Variants in BORCS8 observed in about 807,000 individuals in gnomAD.
The protein encoded by BORCS8 is BLOC-1 related complex subunit 8.
In BORCS8, 13 loss-of-function variants were observed where a neutral mutation model predicts 18.7. The ratio of observed to expected loss-of-function variants is 0.70; its 90% CI spans 0.45 to 1.11. BORCS8 has a LOEUF of 1.11. Ranked by LOEUF, BORCS8 falls within the 50% of genes least tolerant of loss-of-function variation. The probability of loss-of-function intolerance (pLI) is 0.00; values close to 1 mark genes in which losing one functional copy is unlikely to be tolerated. For missense variants in BORCS8, 165 were observed against 165.7 expected, an observed-to-expected ratio of 1.00 and a Z score of 0.02; for synonymous variants, 68 against 64.8, an observed-to-expected ratio of 1.05 and a Z score of -0.24.
At position 19,186,934 on chromosome 19, in the gene BORCS8, C is replaced by T; in HGVS notation, c.109G>A (p.Glu37Lys). ...TCGGGGAGGGAGCGACGCACATGCT[C>T]CTGCAGCCGGTACAGGGCCACGGAT... ...EPSVALYRLQ[E>K]HVRRSLPELA... The change falls in exon 2 of 6, where the codon GAG becomes AAG. Residue 37 changes from glutamate to lysine, a missense_variant. Transcript: ENST00000462790. 2 of 1,551,266 alleles carry T rather than the reference C, an allele frequency of 1.3e-6. No individual in the cohort carries two copies. Among genetic ancestry groups the T allele is most frequent in the Non-Finnish European group, 1.7e-6 (2 of 1,146,924 alleles).
chr19:19,190,835 G>A lies in BORCS8; in HGVS notation c.37+1246C>T, dbSNP rs543000825. On this transcript the variant is annotated intron_variant, in intron 1 of 5. Transcript: ENST00000462790. Reference sequence around the variant, plus strand: ...AAGGTGAGCATAACAGACAAGGCACGGTGGCTCATGCCTCATACTCATGCC... The same window carrying A: ...AAGGTGAGCATAACAGACAAGGCACAGTGGCTCATGCCTCATACTCATGCC... 3.9e-5 allele frequency among the ~76,000 whole-genome samples: 6 copies of A among 152,118 alleles called. No individual in the cohort carries two copies. The South Asian group carries it at 1.0e-3, about 26-fold the overall frequency.
intron 5 of BORCS8, chr19:19,179,654 T>G (rs1227085195): frequency 6.5e-6 from 1 of 152,702 alleles, no homozygotes; most frequent in African/African-American, 2.4e-5. Context: ...AGGGCCCCTT[T>G]GACCTGCCTG....
In BORCS8 at chr19:19,182,939, A is replaced by G. The variant is rs759047148; in HGVS notation, c.216-256T>C. ...TCAGTGTATAAAGATGTCATAAAAA[A>G]TATCTCGGCCATTACTGCTGATAAT... On this transcript the variant is annotated intron_variant, in intron 3 of 5. Coordinates refer to ENST00000462790, the MANE Select transcript of BORCS8 (RefSeq NM_001145784.2). This position sits in a 1 kb window ranked among gnomAD's most constrained non-coding sequence, Gnocchi z 4.1. Among the ~76,000 whole-genome samples, 1 of 152,200 alleles carries G rather than the reference A, an allele frequency of 6.6e-6. No individual in the cohort carries two copies. Among genetic ancestry groups the G allele is most frequent in the Non-Finnish European group, 1.5e-5 (1 of 68,034 alleles).
intron 2 of BORCS8, among the ~76,000 whole-genome samples, chr19:19,186,524 G>C (rs1293054101): frequency 6.6e-6 from 1 of 152,106 alleles, no homozygotes; most frequent in East Asian, 1.9e-4. Context: ...GAGTTCTCAC[G>C]AGATCTTGTG....
In BORCS8 at chr19:19,192,140, G is replaced by T. The variant is rs1330521467; in HGVS notation, c.-23C>A. 1.3e-6 allele frequency: 2 copies of T among 1,550,944 alleles called. No individual in the cohort carries two copies. The highest frequency in any genetic ancestry group is 2.0e-5 in the Admixed American group (1 of 50,970). On this transcript the variant is annotated 5_prime_UTR_variant, in exon 1 of 6. Transcript: ENST00000462790. ...CATAGCGACCGCGGCCGAGCGAACC[G>T]GGAAACGGCACCGGAAGCCCGGAGG...
At chr19:19,187,772 C>T (rs534756085) in intron 1 of BORCS8, among the ~76,000 whole-genome samples, 17 of 151,908 alleles carry the variant, frequency 1.1e-4, no homozygotes, top group South Asian at 4.2e-4. Context: ...CTCCTGACCT[C>T]GTGATCCGCT....
At chr19:19,178,212 G>A (rs2060318906) in intron 5 of BORCS8, 1 of 152,350 alleles carries the variant, frequency 6.6e-6, no homozygotes. Context: ...GTCGATGGGG[G>A]GCCAGTGAGA....
At chr19:19,180,591 G>A (rs576070337) in intron 5 of BORCS8, 95 bp downstream of exon 5, 78 of 851,918 alleles carry the variant, frequency 9.2e-5, no homozygotes, top group Non-Finnish European at 1.4e-4. Context: ...GAAACCCCAA[G>A]TGGTTAGACA....
At chr19:19,189,989 T>C (rs2060449927) in intron 1 of BORCS8, among the ~76,000 whole-genome samples, 1 of 152,116 alleles carries the variant, frequency 6.6e-6, no homozygotes, top group African/African-American at 2.4e-5. Flanking sequence ...TCTAAACACT[T>C]GGTCACCTCA....
At position 19,185,888 on chromosome 19, in the gene BORCS8, G is replaced by T. The variant is rs993279046; in HGVS notation, c.215+146C>A. 17 of 769,884 alleles carry T rather than the reference G, an allele frequency of 2.2e-5. No homozygotes were observed. In the African/African-American group the frequency reaches 2.6e-4, roughly 12 times the overall value. 47.7% of individuals were successfully genotyped at this position (769,884 alleles called of 1,614,324 possible). The stretch of plus-strand genomic sequence containing the variant: ...GAGACCCACCTGGGGCCCTGGCCAA[G>T]TGAATCGTGGTACAGACCCCATACA... On this transcript the variant is annotated intron_variant, in intron 3 of 5. Coordinates refer to ENST00000462790, the MANE Select transcript of BORCS8 (RefSeq NM_001145784.2).
intron 4 of BORCS8, among the ~76,000 whole-genome samples, chr19:19,181,497 G>A (rs938269405): frequency 6.6e-6 from 1 of 152,168 alleles, no homozygotes; most frequent in African/African-American, 2.4e-5. Context: ...TCAGGAGTGT[G>A]TTGCGTTTTT....
At chr19:19,183,515 T>C (rs368945366) in intron 3 of BORCS8, among the ~76,000 whole-genome samples, 6 of 152,280 alleles carry the variant, frequency 3.9e-5, no homozygotes, top group African/African-American at 1.2e-4. Context: ...AAATGTTCTT[T>C]ATCCATTGAG....
At chr19:19,186,005 C>T (rs1296182539) in intron 3 of BORCS8, 29 bp downstream of exon 3, 1 of 1,547,550 alleles carries the variant, frequency 6.5e-7, no homozygotes, top group African/African-American at 1.4e-5. Flanking sequence ...CAAAAGGTGG[C>T]CCTGCAGCGG....
intron 3 of BORCS8, 71 bp downstream of exon 3, chr19:19,185,963 G>T (rs1339827023): frequency 6.8e-7 from 1 of 1,463,944 alleles, no homozygotes; most frequent in Non-Finnish European, 9.3e-7. Context: ...AGTTGGCTGG[G>T]ATGCCCCTGA....
intron 5 of BORCS8, chr19:19,178,423 G>A (rs1298605270): frequency 6.6e-6 from 1 of 152,558 alleles, no homozygotes; most frequent in Non-Finnish European, 1.5e-5. Flanking sequence ...GGCAGCACCT[G>A]AGGGATGACC....
At chr19:19,184,493 G>A (rs2060387379) in intron 3 of BORCS8, among the ~76,000 whole-genome samples, 1 of 151,684 alleles carries the variant, frequency 6.6e-6, no homozygotes, top group South Asian at 2.1e-4. Context: ...TAGTAAAGAC[G>A]CGGTTTCACC....
intron 3 of BORCS8, among the ~76,000 whole-genome samples, chr19:19,183,457 G>A (rs2060371056): frequency 6.6e-6 from 1 of 152,036 alleles, no homozygotes; most frequent in Admixed American, 6.6e-5. Flanking sequence ...ATGTTCGCTG[G>A]CCTCCCGCCT....
intron 4 of BORCS8, among the ~76,000 whole-genome samples, chr19:19,181,541 A>AT (rs1300826717): frequency 7.2e-5 from 11 of 152,162 alleles, no homozygotes; most frequent in Non-Finnish European, 1.3e-4. Context: ...ATATGAAAGC[A>AT]TTTTTGGAAA....
chr19:19,186,753 T>A, intron 2 of BORCS8, 140 bp downstream of exon 2: 1 of 592,290 alleles, frequency 1.7e-6, no homozygotes, highest in Non-Finnish European at 2.9e-6. Context: ...ACACACATCT[T>A]GCCATCTCCT....
Sources: gnomAD v4.1 joint callset for allele counts (sites outside exome capture counted in the v4.1 genomes callset) on GRCh38, gnomAD v4.1.1 for gene constraint, Gnocchi (gnomAD v3.1) non-coding constraint, MANE v1.5 for transcripts, NCBI Gene and HGNC (gene_info 2026-07-23, HGNC 2026-07-21) for gene names.